The following DAB1 variants were observed in gnomAD, a reference collection of about 807,000 sequenced individuals.
DAB1 encodes DAB adaptor protein 1, also known as disabled homolog 1.
In DAB1, 15 loss-of-function variants were observed where a neutral mutation model predicts 64.6. The observed-to-expected ratio is 0.23, with a 90% CI of 0.16 to 0.36. The LOEUF is 0.36. Among genes scored for constraint, DAB1 ranks in the 10% least tolerant of loss-of-function variants. The pLI is 1.00. For missense variants in DAB1, 596 were observed against 706.7 expected, an observed-to-expected ratio of 0.84 and a Z score of 1.78; for synonymous variants, 235 against 251.9, an observed-to-expected ratio of 0.93 and a Z score of 0.64.
intron 9 of DAB1, among the ~76,000 whole-genome samples, chr1:57,037,616 T>A (rs1447351145): frequency 6.6e-6 from 1 of 152,272 alleles, no homozygotes; most frequent in Non-Finnish European, 1.5e-5. Context: ...ATTCCAGGCA[T>A]CTGAATGCAT....
At chr1:57,843,213 G>A (rs1477463870) in intron 1 of DAB1, among the ~76,000 whole-genome samples, 1 of 152,144 alleles carries the variant, frequency 6.6e-6, no homozygotes, top group Non-Finnish European at 1.5e-5. Flanking sequence ...ATTTCACCAA[G>A]TCCTCCCAGC....
rs139550960 is a variant in DAB1 at position 57,198,640 on chromosome 1, T to TTCTCTCTCTCTCTCTCTC, written c.68-53212_68-53211insGAGAGAGAGAGAGAGAGA. On this transcript the variant is annotated intron_variant, in intron 2 of 14. Transcript: ENST00000371236. ...CTCTTCCTCCCTCCCTCCCTGCATC[T>TTCTCTCTCTCTCTCTCTC]TCTCTCTCTCACACACACACACACA... Among the ~76,000 whole-genome samples the TTCTCTCTCTCTCTCTCTC allele has an allele frequency of 6.1e-5, 8 of 131,132 alleles. No individual in the cohort carries two copies. In the South Asian group the frequency reaches 1.6e-3, roughly 27 times the overall value. The allele number at this position is 131,132 out of a possible 152,430, so 86.0% of individuals were successfully genotyped here.
chr1:57,685,137 A>G (rs1383544013), intron 6 of DAB1, among the ~76,000 whole-genome samples: 1 of 151,676 alleles, frequency 6.6e-6, no homozygotes, highest in East Asian at 1.9e-4. Context: ...TATTTTTAGT[A>G]GAGACGGGGT....
intron 2 of DAB1, among the ~76,000 whole-genome samples, chr1:57,243,725 G>A (rs1179266835): frequency 6.6e-6 from 1 of 152,120 alleles, no homozygotes; most frequent in African/African-American, 2.4e-5. Flanking sequence ...ATTCATTGGA[G>A]GCAGATGAAT....
intron 3 of DAB1, among the ~76,000 whole-genome samples, chr1:58,414,503 C>T (rs1026548583): frequency 6.6e-6 from 1 of 152,166 alleles, no homozygotes; most frequent in South Asian, 2.1e-4. Flanking sequence ...TTCTCCATTC[C>T]CAATGCCTAG....
intron 4 of DAB1, among the ~76,000 whole-genome samples, chr1:57,074,556 C>A (rs781740445): frequency 7.9e-5 from 12 of 152,196 alleles, no homozygotes; most frequent in African/African-American, 2.7e-4. Context: ...GCAATCTTTC[C>A]AGGCATTTGA....
At chr1:57,408,606 C>T (rs1481607394) in intron 1 of DAB1, among the ~76,000 whole-genome samples, 3 of 152,140 alleles carry the variant, frequency 2.0e-5, no homozygotes, top group Non-Finnish European at 2.9e-5. Flanking sequence ...ACACAGCTTG[C>T]CTTGCCAATA....
At chr1:57,905,449 A>C (rs894410903) in intron 5 of DAB1, among the ~76,000 whole-genome samples, 6 of 152,136 alleles carry the variant, frequency 3.9e-5, no homozygotes, top group African/African-American at 1.4e-4. Flanking sequence ...ATGATAAGGA[A>C]GCATCAAGGA....
intron 4 of DAB1, among the ~76,000 whole-genome samples, chr1:58,255,888 T>C (rs549314243): frequency 2.0e-5 from 3 of 152,234 alleles, no homozygotes; most frequent in Non-Finnish European, 4.4e-5. Context: ...TTACTATGTC[T>C]GTTTTGTAAA....
intron 5 of DAB1, among the ~76,000 whole-genome samples, chr1:57,964,364 A>C (rs1645600554): frequency 6.6e-6 from 1 of 152,190 alleles, no homozygotes; most frequent in African/African-American, 2.4e-5. Flanking sequence ...TTGAGCTCTT[A>C]CTGTAGACAC....
At chr1:57,038,840 G>A (rs867155935) in intron 9 of DAB1, among the ~76,000 whole-genome samples, 39 of 152,152 alleles carry the variant, frequency 2.6e-4, no homozygotes, top group African/African-American at 9.2e-4. Context: ...CATGGGGAAT[G>A]TTGGTGCAAG....
intron 4 of DAB1, among the ~76,000 whole-genome samples, chr1:57,078,781 T>C (rs1414369047): frequency 1.3e-5 from 2 of 152,218 alleles, no homozygotes; most frequent in Non-Finnish European, 2.9e-5. Flanking sequence ...CTTGGCAGTA[T>C]GTTTCAGAGC....
intron 1 of DAB1, among the ~76,000 whole-genome samples, chr1:58,535,664 G>A (rs1024888545): frequency 6.0e-5 from 9 of 150,780 alleles, no homozygotes; most frequent in South Asian, 2.1e-4. Context: ...ACATGAATTC[G>A]AAAAATATTA....
intron 5 of DAB1, among the ~76,000 whole-genome samples, chr1:57,975,794 C>A (rs1241145880): frequency 6.6e-6 from 1 of 152,292 alleles, no homozygotes; most frequent in South Asian, 2.1e-4. Flanking sequence ...GATGAATTCA[C>A]TTTGCTGGCT....
chr1:58,372,748 A>AT (rs1644277739), intron 3 of DAB1, among the ~76,000 whole-genome samples: 1 of 152,092 alleles, frequency 6.6e-6, no homozygotes, highest in South Asian at 2.1e-4. Flanking sequence ...GTGAGTTTTC[A>AT]TGAGATCTGA....
chr1:58,096,006 C>G (rs1418637778), intron 5 of DAB1, among the ~76,000 whole-genome samples: 1 of 152,164 alleles, frequency 6.6e-6, no homozygotes, highest in Non-Finnish European at 1.5e-5. Flanking sequence ...GGGGGCTCTA[C>G]CCAGATTCAG....
intron 5 of DAB1, among the ~76,000 whole-genome samples, chr1:58,139,447 A>G (rs1285825633): frequency 6.6e-6 from 1 of 152,210 alleles, no homozygotes; most frequent in Non-Finnish European, 1.5e-5. Context: ...CCTTCTTCAC[A>G]TGGCATTAGC....
chr1:57,661,078 C>T (rs1646380790), intron 6 of DAB1, among the ~76,000 whole-genome samples: 1 of 152,052 alleles, frequency 6.6e-6, no homozygotes. Context: ...AAGAAACTTG[C>T]AAACAAATCT....
chr1:57,205,911 C>T (rs540844485), intron 2 of DAB1, among the ~76,000 whole-genome samples: 1 of 152,336 alleles, frequency 6.6e-6, no homozygotes, highest in East Asian at 1.9e-4. Flanking sequence ...TTAGAAACCA[C>T]ATGTTTTTAT....
Sources: gnomAD v4.1 joint callset for allele counts (sites outside exome capture counted in the v4.1 genomes callset) on GRCh38, gnomAD v4.1.1 for gene constraint, MANE v1.5 for transcripts, NCBI Gene and HGNC (gene_info 2026-07-23, HGNC 2026-07-21) for gene names.